CACTIN: variants seen among roughly 807,000 people sequenced by gnomAD.
CACTIN encodes the protein cactin, spliceosome C complex subunit, also known as splicing factor Cactin.
CACTIN carries 20 observed loss-of-function variants against 84.9 expected under a neutral mutation model. That is an observed-to-expected ratio of 0.24 (90% confidence interval 0.17 to 0.34). The LOEUF (loss-of-function observed/expected upper bound fraction) is 0.34, where lower values mean the gene tolerates loss of function less well. CACTIN is among the 10% of genes least tolerant of loss of function. The pLI is 1.00. For missense variants in CACTIN, 897 were observed against 1,117.2 expected (o/e 0.80, Z 2.81); for synonymous variants, 549 against 467.9 (o/e 1.17, Z -2.24).
In CACTIN at chr19:3,612,457, G is replaced by C. The variant is rs765573228; in HGVS notation, c.1787-44C>G. ...TCACCCGGGCCTCGGCCTCCCCCTG[G>C]GTCCTGGCCTCCCTCCTAGCCTCTC... On this transcript the variant is annotated intron_variant, in intron 9 of 9. Transcript: ENST00000429344. The C allele has an allele frequency of 1.7e-5, 26 of 1,532,752 alleles. No homozygotes were observed. The South Asian group carries it at 3.2e-4, about 19-fold the overall frequency. 94.9% of individuals were successfully genotyped at this position (1,532,752 alleles called of 1,614,324 possible). A position where few individuals can be genotyped will look rare whatever the true frequency, so the allele number is the denominator to read the frequency against.
chr19:3,624,853 T>G (rs1219128907), intron 1 of CACTIN, among the ~76,000 whole-genome samples: 1 of 152,032 alleles, frequency 6.6e-6, no homozygotes, highest in South Asian at 2.1e-4. Flanking sequence ...TTTTATTTAT[T>G]AGAGACAAGG....
intron 2 of CACTIN, chr19:3,621,095 C>T (rs2033214892): frequency 5.9e-6 from 3 of 510,948 alleles, no homozygotes; most frequent in Non-Finnish European, 1.1e-5. Context: ...ACAGGAGGGC[C>T]TTGCTCGGGG....
chr19:3,623,998 G>A lies in CACTIN; in HGVS notation c.332C>T (p.Pro111Leu), dbSNP rs2033281825. The change falls in exon 2 of 10, where the codon CCT becomes CTT. Residue 111 changes from proline (P) to leucine (L), a missense_variant. Physicochemically the swap from Pro to Leu is moderately conservative, Grantham distance 98. This residue lies in a region of CACTIN where 261 missense variants were observed against 243.8 expected (regional missense o/e 1.07). Coordinates refer to ENST00000429344, the MANE Select transcript of CACTIN (RefSeq NM_001080543.2). ...CGCGGAGCTGGATGCTGAGGAGCTAGGAGACCACGAGCGTGCGCGCCGTCG... is the reference window on the plus strand; with the variant it reads ...CGCGGAGCTGGATGCTGAGGAGCTAAGAGACCACGAGCGTGCGCGCCGTCG... Reference protein sequence around the residue: ...RRRRRARSWSPSSSASSSASP... With the variant: ...RRRRRARSWSLSSSASSSASP... 3 of 1,605,590 alleles carry A rather than the reference G, an allele frequency of 1.9e-6. No individual in the cohort carries two copies. Among genetic ancestry groups the A allele is most frequent in the Non-Finnish European group, 1.7e-6 (2 of 1,179,284 alleles).
At chr19:3,612,546 T>C (rs2032987917) in intron 9 of CACTIN, 133 bp from the exon 10 acceptor site, 1 of 1,326,210 alleles carries the variant, frequency 7.5e-7, no homozygotes, top group African/African-American at 1.5e-5. Flanking sequence ...CTAAGGCACA[T>C]GGGGAGGGGA....
rs773713804 is a variant in CACTIN, at chr19:3,613,350, G to A, written c.1494C>T (p.Asp498=). ...AGGGCCCGGGCGGGGTGGGCGCCGC[G>A]TCCTCAGGCTCCAGGCTGGGAGGAG... ...QSPSRSLEPE[D]AAPTPPGPSS... The change falls in exon 9 of 10, where the codon GAC becomes GAT. Residue 498 remains aspartate (D), a synonymous_variant. Transcript: ENST00000429344. 2.6e-6 allele frequency: 4 copies of A among 1,510,436 alleles called. No homozygotes were observed. The highest frequency in any genetic ancestry group is 2.5e-5 in the South Asian group (2 of 78,974). The allele number at this position is 1,510,436 out of a possible 1,614,324, so 93.6% of individuals were successfully genotyped here.
chr19:3,616,624 T>C (rs2033111667), intron 6 of CACTIN: 1 of 151,624 alleles, frequency 6.6e-6, no homozygotes, highest in African/African-American at 2.4e-5. Flanking sequence ...CAAAAAAACT[T>C]ATTCATGTAA....
rs752446442 is a variant in CACTIN at position 3,611,807 on chromosome 19, TG to T, written c.*115del. On this transcript the variant is annotated 3_prime_UTR_variant, in exon 10 of 10. Transcript: ENST00000429344. Reference sequence around the variant, plus strand: ...GGCGAAAGAAAGATGCGGCCTGAGGTGGGACGTGAACCCGCGGCCCTGCAGC... The same window carrying T: ...GGCGAAAGAAAGATGCGGCCTGAGGTGGACGTGAACCCGCGGCCCTGCAGC... 7.8e-7 allele frequency: 1 copy of T among 1,281,044 alleles called. No homozygotes were observed. The highest frequency in any genetic ancestry group is 1.3e-5 in the South Asian group (1 of 79,068). 79.4% of individuals were successfully genotyped at this position (1,281,044 alleles called of 1,614,324 possible).
chr19:3,625,022 C>T (rs981685887), intron 1 of CACTIN, among the ~76,000 whole-genome samples: 7 of 152,178 alleles, frequency 4.6e-5, no homozygotes, highest in South Asian at 2.1e-4. Context: ...TCCTGAGTAG[C>T]GGGGACTACA....
Position 3,610,692 on chromosome 19 carries a change from T to C in CACTIN, c.*1231A>G, listed in dbSNP as rs543535546. 1.1e-3 allele frequency: 499 copies of C among 455,566 alleles called. 2 individuals carry two copies. The highest frequency in any genetic ancestry group is 1.8e-3 in the Non-Finnish European group (407 of 226,726). 28.2% of individuals were successfully genotyped at this position (455,566 alleles called of 1,614,324 possible). ...TTAAAAAAACATGCGATCTTGCCAA[T>C]AGGCCAATTCCATGAGAACAAAAGA... On this transcript the variant is annotated 3_prime_UTR_variant, in exon 10 of 10. Transcript: ENST00000429344.
intron 2 of CACTIN, chr19:3,621,023 G>GT: frequency 1.5e-6 from 1 of 655,340 alleles, no homozygotes; most frequent in Non-Finnish European, 2.8e-6. Context: ...TATGCAAAGG[G>GT]TAAGAAGGGG....
intron 2 of CACTIN, among the ~76,000 whole-genome samples, chr19:3,621,303 C>T (rs2033219838): frequency 6.6e-6 from 1 of 152,224 alleles, no homozygotes; most frequent in South Asian, 2.1e-4. Context: ...GCCCCGCCCA[C>T]ACAGCGGGGC....
At chr19:3,619,660 G>A (rs970078786) in intron 4 of CACTIN, among the ~76,000 whole-genome samples, 1 of 152,172 alleles carries the variant, frequency 6.6e-6, no homozygotes, top group African/African-American at 2.4e-5. Flanking sequence ...AGAGAGCCGG[G>A]TTTCTGTTCT....
rs200853059 is a variant in CACTIN at position 3,619,010 on chromosome 19, T to G, written c.1048-21A>C. 3,013 of 1,549,988 alleles carry G rather than the reference T, an allele frequency of 1.9e-3. 43 individuals are homozygous for G. The African/African-American group carries it at 0.033, about 17-fold the overall frequency. On this transcript the variant is annotated intron_variant, in intron 5 of 9. Coordinates refer to ENST00000429344, the MANE Select transcript of CACTIN (RefSeq NM_001080543.2). Reference sequence around the variant, plus strand: ...TAGACCTGGGGGCAGGGGGCAGGGGTCAGGACACGGGTGTGGCTGGGGTGG... The same window carrying G: ...TAGACCTGGGGGCAGGGGGCAGGGGGCAGGACACGGGTGTGGCTGGGGTGG...
At chr19:3,614,656 G>A in intron 6 of CACTIN, 67 bp from the exon 7 acceptor site, 1 of 1,356,446 alleles carries the variant, frequency 7.4e-7, no homozygotes, top group Non-Finnish European at 1.0e-6. Context: ...CCCCATCAGG[G>A]CCTCCTCCCC....
chr19:3,620,456 C>A, intron 3 of CACTIN, 184 bp from the exon 4 acceptor site: 1 of 763,144 alleles, frequency 1.3e-6, no homozygotes, highest in Non-Finnish European at 2.2e-6. Context: ...CGAGACTCAG[C>A]AGCTCAGATC....
intron 1 of CACTIN, 73 bp downstream of exon 1, chr19:3,626,523 G>A (rs1294522483): frequency 2.4e-6 from 3 of 1,262,762 alleles, no homozygotes; most frequent in Non-Finnish European, 3.0e-6. Flanking sequence ...GGTTCCCCGG[G>A]ATCTCCAACC....
In CACTIN at chr19:3,626,788, A is replaced by G. The variant is rs16991977; in HGVS notation, c.-26T>C. On this transcript the variant is annotated 5_prime_UTR_variant, in exon 1 of 10. Coordinates refer to ENST00000429344, the MANE Select transcript of CACTIN (RefSeq NM_001080543.2). ...CGGCTGGGCCAGTGGCCGCGGCACC[A>G]ACACCAATAGCCGAAGCCTGCGCTG... 20,401 of 1,353,352 alleles carry G rather than the reference A, an allele frequency of 0.015. 984 individuals are homozygous for G. The African/African-American group carries it at 0.16, about 11-fold the overall frequency. 83.8% of individuals were successfully genotyped at this position (1,353,352 alleles called of 1,614,324 possible). A position where few individuals can be genotyped will look rare whatever the true frequency, so the allele number is the denominator to read the frequency against.
At position 3,619,007 on chromosome 19, in the gene CACTIN, G is replaced by T; in HGVS notation, c.1048-18C>A. The T allele has an allele frequency of 6.4e-7, 1 of 1,550,818 alleles. No individual in the cohort carries two copies. The stretch of plus-strand genomic sequence containing the variant: ...ATGTAGACCTGGGGGCAGGGGGCAG[G>T]GGTCAGGACACGGGTGTGGCTGGGG... On this transcript the variant is annotated intron_variant, in intron 5 of 9. Coordinates refer to ENST00000429344, the MANE Select transcript of CACTIN (RefSeq NM_001080543.2).
At chr19:3,624,292 G>A (rs558296222) in intron 1 of CACTIN, 130 bp from the exon 2 acceptor site, 5 of 816,216 alleles carry the variant, frequency 6.1e-6, no homozygotes, top group South Asian at 3.6e-5. Flanking sequence ...CCCAAATACC[G>A]ATGGCTTCTG....
Sources: gnomAD v4.1 joint callset for allele counts (sites outside exome capture counted in the v4.1 genomes callset) on GRCh38, gnomAD v4.1.1 for gene constraint, gnomAD v4.1.1 regional missense constraint, MANE v1.5 for transcripts, NCBI Gene and HGNC (gene_info 2026-07-23, HGNC 2026-07-21) for gene names.